Variants in DOCK8 observed in about 807,000 individuals in gnomAD.
DOCK8 encodes dedicator of cytokinesis protein 8.
Under a neutral mutation model 245.6 loss-of-function variants are expected in DOCK8, and 141 were observed. The ratio of observed to expected loss-of-function variants is 0.57; its 90% CI spans 0.50 to 0.66. DOCK8 has a LOEUF of 0.66. Ranked by LOEUF, DOCK8 falls within the 30% of genes least tolerant of loss-of-function variation. DOCK8 has a pLI of 0.00. For synonymous variants in DOCK8, 1,168 were observed against 970.2 expected (o/e 1.20, Z -3.79); for missense variants, 2,965 against 2,603.4 (o/e 1.14, Z -3.02).
chr9:272,292 C>A (rs1185527832), intron 2 of DOCK8, among the ~76,000 whole-genome samples: 3 of 152,140 alleles, frequency 2.0e-5, no homozygotes, highest in Non-Finnish European at 4.4e-5. Flanking sequence ...CTCCTCTCCC[C>A]AGGCCACACC....
intron 9 of DOCK8, among the ~76,000 whole-genome samples, chr9:329,745 G>A (rs778348176): frequency 6.6e-6 from 1 of 152,212 alleles, no homozygotes; most frequent in Non-Finnish European, 1.5e-5. Context: ...CTTCCCAGTG[G>A]ATGACTTTCT....
intron 1 of DOCK8, chr9:220,749 C>G (rs1197364315): frequency 2.6e-6 from 1 of 383,500 alleles, no homozygotes; most frequent in Non-Finnish European, 5.0e-6. Context: ...TTGAGACAGT[C>G]ATGCTCTGTC....
chr9:268,482 A>G (rs932356666), intron 1 of DOCK8, among the ~76,000 whole-genome samples: 8 of 152,234 alleles, frequency 5.3e-5, no homozygotes, highest in Admixed American at 4.6e-4. Flanking sequence ...ACATAGGACA[A>G]CAGATCTTGC....
intron 2 of DOCK8, among the ~76,000 whole-genome samples, chr9:276,186 C>T (rs3008076): frequency 0.2 from 29,720 of 152,138 alleles, 3,200 homozygotes; most frequent in African/African-American, 0.28. Flanking sequence ...CCACTGCGCT[C>T]GGCCCATTTA....
In DOCK8 at chr9:285,793, A is replaced by G. The variant is rs1211866516; in HGVS notation, c.157-668A>G. Among the ~76,000 whole-genome samples the G allele has an allele frequency of 3.9e-5, 6 of 152,312 alleles. No individual in the cohort carries two copies. The East Asian group carries it at 9.6e-4, about 24-fold the overall frequency. ...CACTTATTTCAAAGTGAGTAAATTT[A>G]GCTATATGAAAACTCAGCAGATTGC... On this transcript the variant is annotated intron_variant, in intron 2 of 47. Coordinates refer to ENST00000432829, the MANE Select transcript of DOCK8 (RefSeq NM_203447.4).
At position 400,946 on chromosome 9, in the gene DOCK8, A is replaced by AGC. The variant is rs1564016625; in HGVS notation, c.3234+1687_3234+1688insGC. ...CATCACCACAACATCCACCACCACC[A>AGC]TCACCACCACCACCACCACCTCCTC... On this transcript the variant is annotated intron_variant, in intron 26 of 47. Coordinates refer to ENST00000432829, the MANE Select transcript of DOCK8 (RefSeq NM_203447.4). Among the ~76,000 whole-genome samples, 3 of 121,902 alleles carry AGC rather than the reference A, an allele frequency of 2.5e-5. 1 individual carries two copies. The highest frequency in any genetic ancestry group is 5.1e-5 in the Non-Finnish European group (3 of 58,256). The allele number at this position is 121,902 out of a possible 152,430, so 80.0% of individuals were successfully genotyped here.
intron 33 of DOCK8, among the ~76,000 whole-genome samples, chr9:425,538 C>CA (rs35853132): frequency 0.029 from 1,537 of 53,564 alleles, 43 homozygotes; most frequent in African/African-American, 0.062. Context: ...GACTCCGTCT[C>CA]AAAAAAAAAA....
At chr9:398,065 T>C (rs1485177833) in intron 25 of DOCK8, among the ~76,000 whole-genome samples, 1 of 152,252 alleles carries the variant, frequency 6.6e-6, no homozygotes, top group African/African-American at 2.4e-5. Flanking sequence ...TACCAAGTGC[T>C]CAGGAGATTT....
intron 27 of DOCK8, 126 bp from the exon 28 acceptor site, chr9:406,804 A>C (rs2055443612): frequency 1.9e-6 from 2 of 1,080,506 alleles, no homozygotes; most frequent in East Asian, 5.1e-5. Context: ...ATCTGGCACC[A>C]GAGTACCTAC....
At chr9:213,440 T>A (rs1031848311), upstream of DOCK8, 9 of 152,228 alleles carry the variant, frequency 5.9e-5, no homozygotes, top group East Asian at 1.9e-4. Context: ...TTTACATTTT[T>A]AAAAATGCAA....
rs1212033457 is a variant in DOCK8, at chr9:379,358, C to T, written c.2441-413C>T. On this transcript the variant is annotated intron_variant, in intron 20 of 47. Coordinates refer to ENST00000432829, the MANE Select transcript of DOCK8 (RefSeq NM_203447.4). ...GTGTCCACAACAGTCACGTGAGCAT[C>T]TTGTAAAGATGCAGAACCTGATTAA... Among the ~76,000 whole-genome samples, 8 of 152,076 alleles carry T rather than the reference C, an allele frequency of 5.3e-5. No homozygotes were observed. In the East Asian group the frequency reaches 1.3e-3, roughly 26 times the overall value.
chr9:441,884 A>C lies in DOCK8; in HGVS notation c.5365A>C (p.Arg1789=). 2 of 1,614,208 alleles carry C rather than the reference A, an allele frequency of 1.2e-6. No individual in the cohort carries two copies. Among genetic ancestry groups the C allele is most frequent in the Non-Finnish European group, 1.7e-6 (2 of 1,180,034 alleles). The change falls in exon 42 of 48, where the codon AGA becomes CGA. Residue 1789 remains arginine (R), a synonymous_variant. Transcript: ENST00000432829. ...FDSIVNKDHK[R]MFGTYFRVGF... ...ATATTTTGTTCCTCAGGATCATAAG[A>C]GAATGTTTGGAACCTACTTCCGAGT...
At chr9:288,600 G>C (rs1030184240) in intron 3 of DOCK8, among the ~76,000 whole-genome samples, 3 of 152,172 alleles carry the variant, frequency 2.0e-5, no homozygotes, top group Non-Finnish European at 4.4e-5. Context: ...AGTCTTCTAA[G>C]CACTTTGCAC....
chr9:411,384 G>T (rs573217855), intron 28 of DOCK8, among the ~76,000 whole-genome samples: 30 of 151,916 alleles, frequency 2.0e-4, no homozygotes, highest in African/African-American at 7.2e-4. Flanking sequence ...ATGCACTCCA[G>T]CCTGGGCAAC....
chr9:297,589 G>A (rs1048167075), intron 4 of DOCK8, among the ~76,000 whole-genome samples: 5 of 152,146 alleles, frequency 3.3e-5, no homozygotes, highest in Admixed American at 2.0e-4. Flanking sequence ...TTGCCAGGGT[G>A]GGGTAATGAA....
rs962200599 is a variant in DOCK8, at chr9:370,369, C to T, written c.1868+69C>T. 6.2e-6 allele frequency: 9 copies of T among 1,443,008 alleles called. No homozygotes were observed. In the African/African-American group the frequency reaches 7.0e-5, roughly 11 times the overall value. 89.4% of individuals were successfully genotyped at this position (1,443,008 alleles called of 1,614,324 possible). A position where few individuals can be genotyped will look rare whatever the true frequency, so the allele number is the denominator to read the frequency against. On this transcript the variant is annotated intron_variant, in intron 16 of 47. Transcript: ENST00000432829. Reference sequence around the variant, plus strand: ...ATCATCTCCTGGTTTTTCCAAGTCCCGTGGGTGGTTCCTCCTAACTATTTT... The same window carrying T: ...ATCATCTCCTGGTTTTTCCAAGTCCTGTGGGTGGTTCCTCCTAACTATTTT...
intron 2 of DOCK8, 21 bp from the exon 3 acceptor site, chr9:286,440 T>C (rs1586600456): frequency 6.2e-7 from 1 of 1,612,902 alleles, no homozygotes; most frequent in Non-Finnish European, 8.5e-7. Flanking sequence ...AACCTCCTTT[T>C]CCTTTTCCCT....
In DOCK8 at chr9:446,672, C is replaced by T. The variant is rs2057273420; in HGVS notation, c.5817+66C>T. On this transcript the variant is annotated intron_variant, in intron 44 of 47. Coordinates refer to ENST00000432829, the MANE Select transcript of DOCK8 (RefSeq NM_203447.4). ...CTGGGTGGCCTCCCAGGAGGACCCACAAACCTCTTTCACAGTGGATTGGAC... is the reference window on the plus strand; with the variant it reads ...CTGGGTGGCCTCCCAGGAGGACCCATAAACCTCTTTCACAGTGGATTGGAC... The T allele has an allele frequency of 2.8e-6, 4 of 1,410,788 alleles. No homozygotes were observed. The African/African-American group carries it at 4.2e-5, about 15-fold the overall frequency. 87.4% of individuals were successfully genotyped at this position (1,410,788 alleles called of 1,614,324 possible).
At position 464,956 on chromosome 9, in the gene DOCK8, A is replaced by G. The variant is rs2057924736; in HGVS notation, c.*737A>G. The G allele has an allele frequency of 6.5e-6, 1 of 152,780 alleles. No individual in the cohort carries two copies. The highest frequency in any genetic ancestry group is 1.5e-5 in the Non-Finnish European group (1 of 68,454). 9.5% of individuals were successfully genotyped at this position (152,780 alleles called of 1,614,324 possible). On this transcript the variant is annotated 3_prime_UTR_variant, in exon 48 of 48. Coordinates refer to ENST00000432829, the MANE Select transcript of DOCK8 (RefSeq NM_203447.4). ...TACTGCTTTCACTTAAATGGAAACAATTCTCCGATAATGCTTTGCTTTTTT... is the reference window on the plus strand; with the variant it reads ...TACTGCTTTCACTTAAATGGAAACAGTTCTCCGATAATGCTTTGCTTTTTT...
Sources: allele counts gnomAD v4.1 joint callset (sites outside exome capture counted in the v4.1 genomes callset), GRCh38; gene constraint gnomAD v4.1.1; transcripts MANE v1.5; gene names NCBI Gene and HGNC (gene_info 2026-07-23, HGNC 2026-07-21).